The following CEP85L variants were observed in gnomAD, a reference collection of about 807,000 sequenced individuals.
CEP85L encodes centrosomal protein 85L, also known as centrosomal protein of 85 kDa-like.
Under a neutral mutation model 100.3 loss-of-function variants are expected in CEP85L, and 60 were observed. That is an observed-to-expected ratio of 0.60 (90% confidence interval 0.49 to 0.74). CEP85L has a LOEUF of 0.74. CEP85L is among the 30% of genes least tolerant of loss of function. CEP85L has a pLI of 0.00. For missense variants in CEP85L, 973 were observed against 936.2 expected (o/e 1.04, Z -0.51); for synonymous variants, 319 against 322.7 (o/e 0.99, Z 0.12).
intron 1 of CEP85L, among the ~76,000 whole-genome samples, chr6:118,661,857 G>A (rs1318618709): frequency 6.6e-6 from 1 of 152,212 alleles, no homozygotes; most frequent in Non-Finnish European, 1.5e-5. Context: ...TAGCACTAAA[G>A]CCACCTCATA....
intron 3 of CEP85L, among the ~76,000 whole-genome samples, chr6:118,562,027 A>G (rs1351839125): frequency 6.6e-6 from 1 of 152,224 alleles, no homozygotes; most frequent in Non-Finnish European, 1.5e-5. Flanking sequence ...CTAATATTAC[A>G]TAGAAAACTT....
intron 4 of CEP85L, among the ~76,000 whole-genome samples, chr6:118,516,258 G>A (rs1475543113): frequency 6.6e-5 from 10 of 152,146 alleles, no homozygotes; most frequent in East Asian, 5.8e-4. Flanking sequence ...AATCCTTTGG[G>A]TATATACCCA....
chr6:118,607,330 A>C (rs1365392594), intron 2 of CEP85L, among the ~76,000 whole-genome samples: 3 of 152,184 alleles, frequency 2.0e-5, no homozygotes, highest in Non-Finnish European at 2.9e-5. Flanking sequence ...GAAGGTGAAC[A>C]GCTTAGGGAG....
chr6:118,587,596 G>T (rs1397283843), intron 2 of CEP85L, among the ~76,000 whole-genome samples: 1 of 152,004 alleles, frequency 6.6e-6, no homozygotes, highest in Non-Finnish European at 1.5e-5. Flanking sequence ...TAACACATGG[G>T]TCTTTCCAAA....
At position 118,611,631 on chromosome 6, in the gene CEP85L, CATAG is replaced by C. The variant is rs753637026; in HGVS notation, c.232+20818_232+20821del. ...ACAAGTCATTTACCTCAAATAATAA[CATAG>C]ATAGGTTGTATGTAAAAGGATATAA... is the stretch of plus-strand genomic sequence containing the variant. On this transcript the variant is annotated intron_variant, in intron 2 of 12. Transcript: ENST00000368491. 7.9e-5 allele frequency among the ~76,000 whole-genome samples: 12 copies of C among 152,064 alleles called. No homozygotes were observed. In the South Asian group the frequency reaches 1.4e-3, roughly 18 times the overall value.
chr6:118,612,905 AG>A (rs1772745155), intron 2 of CEP85L, among the ~76,000 whole-genome samples: 1 of 152,090 alleles, frequency 6.6e-6, no homozygotes, highest in Non-Finnish European at 1.5e-5. Context: ...AAAACAAGGC[AG>A]GAAGACACAA....
chr6:118,550,850 GCATAGCATTA>G (rs776141080), intron 3 of CEP85L, among the ~76,000 whole-genome samples: 12 of 151,746 alleles, frequency 7.9e-5, no homozygotes, highest in Non-Finnish European at 1.2e-4. Flanking sequence ...TTCAATTTAT[GCATAGCATTA>G]CATTCTTAAT....
At chr6:118,537,914 T>TGG (rs1777687659) in intron 3 of CEP85L, 1 of 984,604 alleles carries the variant, frequency 1.0e-6, no homozygotes, top group African/African-American at 1.7e-5. Flanking sequence ...AGAGATACTC[T>TGG]ACAAGTGTTT....
chr6:118,606,625 G>C (rs1159535955), intron 2 of CEP85L, among the ~76,000 whole-genome samples: 2 of 152,226 alleles, frequency 1.3e-5, no homozygotes, highest in African/African-American at 2.4e-5. Context: ...ACAAGGTCAA[G>C]CTCCCAAGGA....
At chr6:118,558,337 T>C (rs1195238418) in intron 3 of CEP85L, among the ~76,000 whole-genome samples, 1 of 152,184 alleles carries the variant, frequency 6.6e-6, no homozygotes, top group African/African-American at 2.4e-5. Flanking sequence ...GGGGTCTTTA[T>C]TGAGAAGTTT....
At chr6:118,489,924 T>TAC (rs1221751967) in intron 6 of CEP85L, among the ~76,000 whole-genome samples, 33 of 152,094 alleles carry the variant, frequency 2.2e-4, no homozygotes, top group African/African-American at 7.5e-4. Flanking sequence ...ATAAATGTTA[T>TAC]ATACACACAC....
intron 6 of CEP85L, 63 bp downstream of exon 6, chr6:118,491,623 G>A: frequency 6.4e-7 from 1 of 1,560,266 alleles, no homozygotes; most frequent in Non-Finnish European, 8.7e-7. Context: ...GTAAATGACA[G>A]ACAAATAATT....
In CEP85L at chr6:118,565,897, T is replaced by C; in HGVS notation, c.652A>G (p.Ile218Val). The C allele has an allele frequency of 6.2e-7, 1 of 1,614,174 alleles. No homozygotes were observed. Among genetic ancestry groups the C allele is most frequent in the Non-Finnish European group, 8.5e-7 (1 of 1,180,032 alleles). ...AGAGTTGATGACCGTTTTTTATTTA[T>C]TTCCTTGTCCTCTAACCTAAGCATC... is the stretch of plus-strand genomic sequence containing the variant. ...MEMLRLEDKE[I>V]NKKRSSTLDC... The change falls in exon 3 of 13, where the codon ATA (isoleucine) becomes GTA (valine). Residue 218 changes from isoleucine (I) to valine (V), a missense_variant. Ile to Val is a conservative substitution (Grantham distance 29). Around this residue, in one of 3 missense-constraint regions of CEP85L, gnomAD observed 890 missense variants for 844.5 expected, o/e 1.05. Coordinates refer to ENST00000368491, the MANE Select transcript of CEP85L (RefSeq NM_001042475.3).
intron 1 of CEP85L, among the ~76,000 whole-genome samples, chr6:118,691,533 CAAAAAA>C (rs372306868): frequency 1.1e-5 from 1 of 88,684 alleles, no homozygotes; most frequent in African/African-American, 4.6e-5. Context: ...AACTCCATCT[CAAAAAA>C]AAAAAAAAAA....
chr6:118,537,859 G>A (rs570486367), intron 3 of CEP85L: 150 of 984,910 alleles, frequency 1.5e-4, no homozygotes, highest in Non-Finnish European at 1.7e-4. Context: ...AACATGTCAC[G>A]TAACACAGTA....
At chr6:118,507,713 C>T (rs531029789) in intron 5 of CEP85L, among the ~76,000 whole-genome samples, 29 of 152,300 alleles carry the variant, frequency 1.9e-4, no homozygotes, top group African/African-American at 7.0e-4. Context: ...ATATGCCATA[C>T]ACTATGCCTC....
At chr6:118,485,652 G>A (rs745856130) in intron 6 of CEP85L, among the ~76,000 whole-genome samples, 1 of 152,168 alleles carries the variant, frequency 6.6e-6, no homozygotes, top group Non-Finnish European at 1.5e-5. Context: ...GAGGCCCAAA[G>A]ATCTTTAGTG....
At chr6:118,709,111 G>A (rs779669113) in intron 1 of CEP85L, among the ~76,000 whole-genome samples, 11 of 151,966 alleles carry the variant, frequency 7.2e-5, no homozygotes, top group Admixed American at 1.3e-4. Flanking sequence ...ACATCAAGAC[G>A]AAGGCACATT....
At chr6:118,521,664 G>A (rs1357630128) in intron 4 of CEP85L, among the ~76,000 whole-genome samples, 1 of 152,052 alleles carries the variant, frequency 6.6e-6, no homozygotes, top group African/African-American at 2.4e-5. Context: ...GACTTCGTAT[G>A]CTTCATTCTT....
Sources: gnomAD v4.1 joint callset for allele counts (sites outside exome capture counted in the v4.1 genomes callset) on GRCh38, gnomAD v4.1.1 for gene constraint, gnomAD v4.1.1 regional missense constraint, MANE v1.5 for transcripts, NCBI Gene and HGNC (gene_info 2026-07-23, HGNC 2026-07-21) for gene names.